The following TG variants were observed in gnomAD, a reference collection of about 807,000 sequenced individuals.
TG encodes thyroid hormones.
TG carries 270 observed loss-of-function variants against 324.7 expected under a neutral mutation model. That is an observed-to-expected ratio of 0.83 (90% CI 0.75 to 0.92). The LOEUF is 0.92. Ranked by LOEUF, TG falls within the 40% of genes least tolerant of loss-of-function variation. TG has a pLI of 0.00. For missense variants in TG, 3,591 were observed against 3,456.4 expected, an observed-to-expected ratio of 1.04 and a Z score of -0.98; for synonymous variants, 1,401 against 1,327.0, an observed-to-expected ratio of 1.06 and a Z score of -1.21.
At chr8:133,073,779 C>T (rs79328483) in intron 41 of TG, among the ~76,000 whole-genome samples, 3,308 of 152,158 alleles carry the variant, frequency 0.022, 99 homozygotes, top group Non-Finnish European at 0.027. Context: ...CGCTGAGGCT[C>T]CCCCAACCCT....
chr8:133,054,480 A>G (rs958396773), intron 41 of TG, among the ~76,000 whole-genome samples: 9 of 152,096 alleles, frequency 5.9e-5, no homozygotes, highest in African/African-American at 2.2e-4. Flanking sequence ...TAAAAAGGGA[A>G]ATTGCCAAAA....
chr8:132,886,400 G>A (rs369669360), intron 8 of TG, 48 bp from the exon 9 acceptor site: 2 of 1,612,258 alleles, frequency 1.2e-6, no homozygotes, highest in Non-Finnish European at 1.7e-6. Context: ...TCTCAGGATT[G>A]CTTGTGACAT....
At chr8:132,949,647 G>A (rs1438597969) in intron 27 of TG, among the ~76,000 whole-genome samples, 2 of 152,180 alleles carry the variant, frequency 1.3e-5, no homozygotes, top group Non-Finnish European at 2.9e-5. Flanking sequence ...GGGTGCAGGG[G>A]ACCATGGGCT....
chr8:133,074,976 C>T (rs1409780690), intron 41 of TG: 33 of 985,340 alleles, frequency 3.3e-5, no homozygotes, highest in Non-Finnish European at 3.9e-5. Flanking sequence ...GGGCTTCTCG[C>T]GGTTGTGGAG....
intron 40 of TG, among the ~76,000 whole-genome samples, chr8:133,027,811 G>A (rs1208943183): frequency 6.6e-6 from 1 of 152,228 alleles, no homozygotes; most frequent in East Asian, 1.9e-4. Context: ...CTTCTTGCAT[G>A]TAAACAAGCT....
intron 27 of TG, among the ~76,000 whole-genome samples, chr8:132,960,178 G>C (rs1234934749): frequency 6.6e-6 from 1 of 152,148 alleles, no homozygotes; most frequent in Admixed American, 6.5e-5. Context: ...AGTTTTGCAT[G>C]TGTATCCTGG....
At chr8:133,029,160 T>A (rs771426398) in intron 40 of TG, among the ~76,000 whole-genome samples, 1 of 152,160 alleles carries the variant, frequency 6.6e-6, no homozygotes, top group Non-Finnish European at 1.5e-5. Context: ...GAGAAGTGTA[T>A]GTAGTGTCTC....
In TG at chr8:133,095,166, C is replaced by G; in HGVS notation, c.7362C>G (p.Leu2454=). 6.2e-7 allele frequency: 1 copy of G among 1,614,226 alleles called. No individual in the cohort carries two copies. The highest frequency in any genetic ancestry group is 8.5e-7 in the Non-Finnish European group (1 of 1,180,044). Residue 2454 remains leucine, a synonymous_variant, in exon 42 of 48, where the codon CTC becomes CTG. Transcript: ENST00000220616. ...CCAGCCAAGAAGTGGTGTCCTGCCT[C>G]CGCCAGAAGCCTGCCAATGTCCTCA... ...MSSSQEVVSC[L]RQKPANVLND...
At chr8:133,025,859 T>C (rs1046254916) in intron 40 of TG, among the ~76,000 whole-genome samples, 5 of 152,216 alleles carry the variant, frequency 3.3e-5, no homozygotes, top group African/African-American at 1.2e-4. Flanking sequence ...CTGAGCAGGA[T>C]GGGGTCTGAG....
At chr8:132,905,947 G>A (rs1010079184) in intron 16 of TG, among the ~76,000 whole-genome samples, 1 of 152,114 alleles carries the variant, frequency 6.6e-6, no homozygotes, top group Non-Finnish European at 1.5e-5. Context: ...GATATTCCTG[G>A]AGGCATTGGG....
intron 35 of TG, chr8:133,002,328 C>T (rs1023603494): frequency 1.0e-6 from 1 of 985,166 alleles, no homozygotes; most frequent in Admixed American, 6.1e-5. Context: ...TTTACTTCTT[C>T]CATGATGATT....
intron 43 of TG, chr8:133,102,797 A>G (rs531346628): frequency 2.0e-6 from 1 of 493,040 alleles, no homozygotes; most frequent in East Asian, 3.6e-5. Flanking sequence ...AAGCACAGGC[A>G]TCTCCAAGGA....
chr8:133,068,711 G>A (rs1812944174), intron 41 of TG, among the ~76,000 whole-genome samples: 2 of 152,368 alleles, frequency 1.3e-5, no homozygotes, highest in East Asian at 3.9e-4. Flanking sequence ...GTCTTATGAA[G>A]AGCTGTCTGG....
At chr8:133,107,979 C>CCTTT (rs61140571) in intron 43 of TG, among the ~76,000 whole-genome samples, 3 of 143,918 alleles carry the variant, frequency 2.1e-5, no homozygotes, top group African/African-American at 8.0e-5. Flanking sequence ...CTTTTCTTTT[C>CCTTT]TTCTTTTTTT....
chr8:132,911,659 C>A lies in TG; in HGVS notation c.4159+126C>A, dbSNP rs552307925. 6.9e-4 allele frequency: 539 copies of A among 780,300 alleles called. 4 individuals carry two copies. Among genetic ancestry groups the A allele is most frequent in the South Asian group, 3.0e-3 (200 of 65,760 alleles). The allele number at this position is 780,300 out of a possible 1,614,324, so 48.3% of individuals were successfully genotyped here. ...CTTCTTGTGAAGACTATGGGGAGAG[C>A]TAATTATTTAAAAACATATAATAAT... On this transcript the variant is annotated intron_variant, in intron 19 of 47. Coordinates refer to ENST00000220616, the MANE Select transcript of TG (RefSeq NM_003235.5).
intron 9 of TG, 72 bp from the exon 10 acceptor site, chr8:132,887,912 G>A (rs917359882): frequency 2.2e-6 from 3 of 1,378,626 alleles, no homozygotes; most frequent in Non-Finnish European, 3.0e-6. Context: ...GGACAGTTAA[G>A]TGGTTTTATC....
At chr8:132,890,253 G>T (rs1370592771) in intron 10 of TG, among the ~76,000 whole-genome samples, 1 of 151,544 alleles carries the variant, frequency 6.6e-6, no homozygotes, top group African/African-American at 2.4e-5. Context: ...TTTCATTTTT[G>T]CAATTAAATG....
At chr8:132,920,979 A>G (rs1264264294) in intron 21 of TG, among the ~76,000 whole-genome samples, 1 of 152,248 alleles carries the variant, frequency 6.6e-6, no homozygotes, top group Non-Finnish European at 1.5e-5. Context: ...CAGTGTGCCC[A>G]CATGATTGGG....
chr8:133,115,242 CG>C (rs1850583051), intron 44 of TG, among the ~76,000 whole-genome samples: 1 of 152,158 alleles, frequency 6.6e-6, no homozygotes, highest in South Asian at 2.1e-4. Context: ...ACTCAGAAGA[CG>C]GACTCCAGCT....
Sources: allele counts gnomAD v4.1 joint callset (sites outside exome capture counted in the v4.1 genomes callset), GRCh38; gene constraint gnomAD v4.1.1; transcripts MANE v1.5; gene names NCBI Gene and HGNC (gene_info 2026-07-23, HGNC 2026-07-21).